Variants in HAPLN1 observed in about 807,000 individuals in gnomAD.
HAPLN1 encodes the protein Cartilage link protein.
HAPLN1 carries 13 observed loss-of-function variants against 36.5 expected under a neutral mutation model. The ratio of observed to expected loss-of-function variants is 0.36; its 90% confidence interval spans 0.23 to 0.57. The LOEUF is 0.57. Among genes scored for constraint, HAPLN1 ranks in the 20% least tolerant of loss-of-function variants. The probability of loss-of-function intolerance (pLI) is 0.83; values close to 1 mark genes in which losing one functional copy is unlikely to be tolerated. For synonymous variants in HAPLN1, 202 were observed against 169.8 expected (o/e 1.19, Z -1.48); for missense variants, 407 against 439.7 (o/e 0.93, Z 0.66).
chr5:83,676,232 A>C (rs910435640), intron 1 of HAPLN1, among the ~76,000 whole-genome samples: 3 of 126,884 alleles, frequency 2.4e-5, no homozygotes, highest in African/African-American at 9.5e-5. Flanking sequence ...ATACGCACAC[A>C]TACACAGAGA....
chr5:83,652,815 C>A lies in HAPLN1; in HGVS notation c.110G>T (p.Gly37Val). 2.6e-6 allele frequency: 4 copies of A among 1,566,344 alleles called. No individual in the cohort carries two copies. The highest frequency in any genetic ancestry group is 1.2e-5 in the South Asian group (1 of 83,370). Residue 37 changes from glycine to valine, a missense_variant, in exon 3 of 5, where the codon GGC (glycine) becomes GTC (valine). Transcript: ENST00000274341. ...CTCTGCTTCCACAAGTAGATGGGGG[C>A]CATTTTCTGCTATAATTAAAAAGGA... ...DRAIHIQAEN[G>V]PHLLVEAEQA...
chr5:83,703,726 C>A (rs1213142986), intron 1 of HAPLN1, among the ~76,000 whole-genome samples: 1 of 152,066 alleles, frequency 6.6e-6, no homozygotes, highest in African/African-American at 2.4e-5. Flanking sequence ...AAATCACTGG[C>A]ATTCCTGAAA....
At chr5:83,712,676 G>A (rs1751819545) in intron 1 of HAPLN1, among the ~76,000 whole-genome samples, 1 of 152,030 alleles carries the variant, frequency 6.6e-6, no homozygotes, top group Admixed American at 6.6e-5. Context: ...TCTAGTTACA[G>A]TAACTTTAAG....
chr5:83,691,133 G>T (rs544485468), intron 1 of HAPLN1, among the ~76,000 whole-genome samples: 1 of 152,010 alleles, frequency 6.6e-6, no homozygotes, highest in African/African-American at 2.4e-5. Flanking sequence ...ATTTATTGCC[G>T]AAAGAAAGTT....
At position 83,686,501 on chromosome 5, in the gene HAPLN1, G is replaced by T. The variant is rs1049517789; in HGVS notation, c.-26-12952C>A. Among the ~76,000 whole-genome samples, 4 of 152,102 alleles carry T rather than the reference G, an allele frequency of 2.6e-5. No individual in the cohort carries two copies. The East Asian group carries it at 7.7e-4, about 29-fold the overall frequency. On this transcript the variant is annotated intron_variant, in intron 1 of 4. Transcript: ENST00000274341. ...CATATGTTCATTCTTATCTTAGTTGGCAATAGTGATAGCAACAATAAAGTA... is the reference window on the plus strand; with the variant it reads ...CATATGTTCATTCTTATCTTAGTTGTCAATAGTGATAGCAACAATAAAGTA...
chr5:83,701,179 C>T (rs1028320585), intron 1 of HAPLN1, among the ~76,000 whole-genome samples: 3 of 152,110 alleles, frequency 2.0e-5, no homozygotes, highest in South Asian at 4.1e-4. Flanking sequence ...AAATTTGGAA[C>T]GATGTGACAA....
At chr5:83,649,932 C>T (rs1750004884) in intron 3 of HAPLN1, among the ~76,000 whole-genome samples, 1 of 152,144 alleles carries the variant, frequency 6.6e-6, no homozygotes, top group African/African-American at 2.4e-5. Context: ...AAGAAGTTTA[C>T]AAATATTTAC....
At chr5:83,714,303 G>T (rs1274509648) in intron 1 of HAPLN1, among the ~76,000 whole-genome samples, 1 of 152,114 alleles carries the variant, frequency 6.6e-6, no homozygotes, top group Non-Finnish European at 1.5e-5. Context: ...TATGTTGTAA[G>T]ACCAGAACAA....
intron 3 of HAPLN1, among the ~76,000 whole-genome samples, chr5:83,647,053 C>A (rs907331663): frequency 1.3e-5 from 2 of 152,132 alleles, no homozygotes; most frequent in African/African-American, 4.8e-5. Context: ...CCTGGAAAAT[C>A]TTTCAGGTTT....
chr5:83,662,005 C>T (rs1043714342), intron 2 of HAPLN1, among the ~76,000 whole-genome samples: 3 of 152,212 alleles, frequency 2.0e-5, no homozygotes, highest in African/African-American at 7.2e-5. Context: ...TGTAACCTTT[C>T]TCAATTTCGG....
At chr5:83,698,521 T>C (rs1751441994) in intron 1 of HAPLN1, among the ~76,000 whole-genome samples, 1 of 152,184 alleles carries the variant, frequency 6.6e-6, no homozygotes, top group Non-Finnish European at 1.5e-5. Context: ...ACTAAATCTA[T>C]CAGTGTTTTC....
chr5:83,701,200 A>T (rs1005619339), intron 1 of HAPLN1, among the ~76,000 whole-genome samples: 8 of 152,240 alleles, frequency 5.3e-5, no homozygotes, highest in Admixed American at 3.3e-4. Context: ...AAATAACAAA[A>T]TTTTGCAGGA....
In HAPLN1 at chr5:83,666,497, C is replaced by A. The variant is rs190364340; in HGVS notation, c.100+6927G>T. 7.6e-3 allele frequency among the ~76,000 whole-genome samples: 1,151 copies of A among 152,096 alleles called. 14 individuals are homozygous for A. Among genetic ancestry groups the A allele is most frequent in the Non-Finnish European group, 0.011 (745 of 67,946 alleles). On this transcript the variant is annotated intron_variant, in intron 2 of 4. Transcript: ENST00000274341. ...TTTAGTATGGATTTGTTACTACCTG[C>A]AAAGATTATTCAATATAAGCTTTTA... is the stretch of plus-strand genomic sequence containing the variant.
At chr5:83,681,241 T>A (rs1750990812) in intron 1 of HAPLN1, among the ~76,000 whole-genome samples, 1 of 152,196 alleles carries the variant, frequency 6.6e-6, no homozygotes, top group Non-Finnish European at 1.5e-5. Flanking sequence ...TTAAGAACTC[T>A]ACAAATGTAT....
At chr5:83,651,038 T>C (rs1317493816) in intron 3 of HAPLN1, among the ~76,000 whole-genome samples, 1 of 152,202 alleles carries the variant, frequency 6.6e-6, no homozygotes, top group African/African-American at 2.4e-5. Context: ...CTTGTATTTC[T>C]GGTAAGTTAT....
chr5:83,650,122 T>A (rs1392884891), intron 3 of HAPLN1, among the ~76,000 whole-genome samples: 2 of 152,210 alleles, frequency 1.3e-5, no homozygotes, highest in Non-Finnish European at 2.9e-5. Flanking sequence ...CCTGTTTTTT[T>A]AAAGCCTCTC....
At chr5:83,714,077 G>C (rs1751858102) in intron 1 of HAPLN1, among the ~76,000 whole-genome samples, 1 of 152,146 alleles carries the variant, frequency 6.6e-6, no homozygotes, top group Non-Finnish European at 1.5e-5. Context: ...AGGCACTTGG[G>C]ATAGAAAGTC....
chr5:83,687,128 A>C (rs2112615384), intron 1 of HAPLN1, among the ~76,000 whole-genome samples: 1 of 152,336 alleles, frequency 6.6e-6, no homozygotes, highest in East Asian at 1.9e-4. Flanking sequence ...ACCTCTCCTC[A>C]AAATCCACAG....
At chr5:83,707,516 T>A (rs1048166754) in intron 1 of HAPLN1, among the ~76,000 whole-genome samples, 2 of 152,148 alleles carry the variant, frequency 1.3e-5, no homozygotes, top group Non-Finnish European at 2.9e-5. Context: ...GGTGCTGGGA[T>A]TATTGGCTAG....
Sources: allele counts gnomAD v4.1 joint callset (sites outside exome capture counted in the v4.1 genomes callset), GRCh38; gene constraint gnomAD v4.1.1; transcripts MANE v1.5; gene names NCBI Gene and HGNC (gene_info 2026-07-23, HGNC 2026-07-21).